The following SETBP1 variants were observed in gnomAD, a reference collection of about 807,000 sequenced individuals.
SETBP1 encodes SET binding protein 1.
In SETBP1, 9 loss-of-function variants were observed where a neutral mutation model predicts 101.0. The observed-to-expected ratio is 0.09, with a 90% CI of 0.05 to 0.16. The LOEUF (loss-of-function observed/expected upper bound fraction) is 0.16, where lower values mean the gene tolerates loss of function less well. SETBP1 is among the 10% of genes least tolerant of loss of function. The pLI, the probability that SETBP1 is intolerant of heterozygous loss-of-function variation, is 1.00. For synonymous variants in SETBP1, 818 were observed against 788.5 expected (o/e 1.04, Z -0.63); for missense variants, 1,858 against 2,033.8 (o/e 0.91, Z 1.66).
chr18:44,835,784 C>T (rs2072483469), intron 2 of SETBP1, among the ~76,000 whole-genome samples: 1 of 152,226 alleles, frequency 6.6e-6, no homozygotes, highest in South Asian at 2.1e-4. Flanking sequence ...GTCCACTTGG[C>T]AACCTGTTCT....
At position 44,952,848 on chromosome 18, in the gene SETBP1, C is replaced by T; in HGVS notation, c.3508C>T (p.Leu1170=). 1 of 1,614,152 alleles carries T rather than the reference C, an allele frequency of 6.2e-7. No homozygotes were observed. The highest frequency in any genetic ancestry group is 2.2e-5 in the East Asian group (1 of 44,854). ...EDRILGTHDN[L]SGLFAGKATG... ...CCGGATCCTAGGGACCCATGACAAC[C>T]TGAGTGGTCTTTTTGCAGGCAAAGC... Residue 1170 remains leucine (L), a synonymous_variant, in exon 4 of 6, where the codon CTG becomes TTG. Transcript: ENST00000649279.
intron 2 of SETBP1, among the ~76,000 whole-genome samples, chr18:44,793,173 T>C (rs2071402117): frequency 1.3e-5 from 2 of 152,246 alleles, no homozygotes; most frequent in African/African-American, 2.4e-5. Flanking sequence ...CTTTTGCAGA[T>C]GCATGTGCTG....
chr18:44,937,267 A>G (rs1462363563), intron 3 of SETBP1, among the ~76,000 whole-genome samples: 2 of 151,492 alleles, frequency 1.3e-5, no homozygotes, highest in Non-Finnish European at 2.9e-5. Context: ...CCCGGCTAAA[A>G]CGGTGAAACC....
intron 3 of SETBP1, among the ~76,000 whole-genome samples, chr18:44,907,931 T>C (rs2070213643): frequency 6.6e-6 from 1 of 152,256 alleles, no homozygotes; most frequent in Non-Finnish European, 1.5e-5. Flanking sequence ...AAAAATATAC[T>C]CATGTTTTCT....
chr18:44,734,287 A>T (rs1025742530), intron 2 of SETBP1, among the ~76,000 whole-genome samples: 1 of 152,142 alleles, frequency 6.6e-6, no homozygotes, highest in Non-Finnish European at 1.5e-5. Context: ...ATGAGCTATT[A>T]ATTAAATTCG....
chr18:45,016,567 T>G (rs901580384), intron 4 of SETBP1, among the ~76,000 whole-genome samples: 1 of 152,136 alleles, frequency 6.6e-6, no homozygotes, highest in Non-Finnish European at 1.5e-5. Context: ...AGGAATATGA[T>G]TCACACGTTT....
At chr18:44,683,524 T>C (rs2068792123) in intron 1 of SETBP1, among the ~76,000 whole-genome samples, 1 of 152,256 alleles carries the variant, frequency 6.6e-6, no homozygotes, top group Non-Finnish European at 1.5e-5. Context: ...GATGAATCGA[T>C]ACTTGTCTGG....
intron 4 of SETBP1, among the ~76,000 whole-genome samples, chr18:45,023,399 T>A (rs1228200648): frequency 6.6e-6 from 1 of 152,204 alleles, no homozygotes; most frequent in Non-Finnish European, 1.5e-5. Context: ...AACTGGATAT[T>A]CGGCTACCCA....
At chr18:45,057,531 G>A (rs988580179) in intron 5 of SETBP1, among the ~76,000 whole-genome samples, 1 of 152,096 alleles carries the variant, frequency 6.6e-6, no homozygotes, top group African/African-American at 2.4e-5. Flanking sequence ...AAAAAGATGT[G>A]GCCTTTGCCT....
intron 5 of SETBP1, among the ~76,000 whole-genome samples, chr18:45,048,086 A>G (rs2073647853): frequency 6.6e-6 from 1 of 152,236 alleles, no homozygotes; most frequent in Non-Finnish European, 1.5e-5. Flanking sequence ...CTGGGAACTC[A>G]GAAACTTGGA....
intron 4 of SETBP1, among the ~76,000 whole-genome samples, chr18:45,013,444 G>GT (rs1271940540): frequency 2.9e-5 from 4 of 140,248 alleles, no homozygotes; most frequent in East Asian, 3.9e-4. Flanking sequence ...CTTTTTTTTT[G>GT]TTTTTTGTTT....
At chr18:44,829,255 G>T (rs763697866) in intron 2 of SETBP1, among the ~76,000 whole-genome samples, 4 of 152,136 alleles carry the variant, frequency 2.6e-5, no homozygotes, top group Non-Finnish European at 5.9e-5. Context: ...GTACCTTCTT[G>T]TTTCTCAAGA....
rs145012547 is a variant in SETBP1 at position 44,901,325 on chromosome 18, A to G, written c.540+32042A>G. Reference sequence around the variant, plus strand: ...CCTTTGTTCAGGCAGGAGCAATGGCATTGAAAAGTTGAAAGAAAAATAAAG... The same window carrying G: ...CCTTTGTTCAGGCAGGAGCAATGGCGTTGAAAAGTTGAAAGAAAAATAAAG... On this transcript the variant is annotated intron_variant, in intron 3 of 5. Coordinates refer to ENST00000649279, the MANE Select transcript of SETBP1 (RefSeq NM_015559.3). Among the ~76,000 whole-genome samples, 813 of 152,290 alleles carry G rather than the reference A, an allele frequency of 5.3e-3. 4 individuals carry two copies. Among genetic ancestry groups the G allele is most frequent in the Middle Eastern group, 0.02 (6 of 294 alleles).
intron 3 of SETBP1, among the ~76,000 whole-genome samples, chr18:44,893,621 A>G (rs555639839): frequency 4.2e-4 from 64 of 152,250 alleles, no homozygotes; most frequent in African/African-American, 1.4e-3. Context: ...TGAACTTTAT[A>G]TAAGCTGTTT....
At chr18:44,687,905 C>T (rs1274508523) in intron 1 of SETBP1, among the ~76,000 whole-genome samples, 2 of 152,102 alleles carry the variant, frequency 1.3e-5, no homozygotes, top group African/African-American at 4.8e-5. Flanking sequence ...CACATTGCAG[C>T]CTGTGTTCAA....
chr18:45,063,145 A>G lies in SETBP1; in HGVS notation c.4238A>G (p.Lys1413Arg). Residue 1413 changes from lysine to arginine, a missense_variant, in exon 6 of 6, where the codon AAG (lysine) becomes AGG (arginine). By Grantham distance (26) the Lys-to-Arg change is conservative. Transcript: ENST00000649279. Reference sequence around the variant, plus strand: ...GAAGCCATCCAGTGCGAAGTGCGGAAGATGTGCAACTACACCAAGATCCTG... The same window carrying G: ...GAAGCCATCCAGTGCGAAGTGCGGAGGATGTGCAACTACACCAAGATCCTG... Reference protein sequence around the residue: ...EIEAIQCEVRKMCNYTKILST... With the variant: ...EIEAIQCEVRRMCNYTKILST... The G allele has an allele frequency of 6.2e-7, 1 of 1,614,072 alleles. No homozygotes were observed. The highest frequency in any genetic ancestry group is 1.1e-5 in the South Asian group (1 of 91,054).
chr18:44,976,049 G>A (rs1198248226), intron 4 of SETBP1, among the ~76,000 whole-genome samples: 1 of 147,036 alleles, frequency 6.8e-6, no homozygotes, highest in African/African-American at 2.5e-5. Context: ...TCAGTGTTTA[G>A]TAAGTCGAGC....
intron 4 of SETBP1, among the ~76,000 whole-genome samples, chr18:44,994,297 T>C (rs569957783): frequency 4.3e-4 from 65 of 152,300 alleles, no homozygotes; most frequent in African/African-American, 7.9e-4. Context: ...GGATTACTCT[T>C]GTAATCCAGG....
At chr18:44,696,622 A>G (rs2069022145) in intron 1 of SETBP1, among the ~76,000 whole-genome samples, 1 of 152,194 alleles carries the variant, frequency 6.6e-6, no homozygotes, top group African/African-American at 2.4e-5. Flanking sequence ...TCAGAGAAAT[A>G]ATTCTTTAGG....
Sources: allele counts gnomAD v4.1 joint callset (sites outside exome capture counted in the v4.1 genomes callset), GRCh38; gene constraint gnomAD v4.1.1; transcripts MANE v1.5; gene names NCBI Gene and HGNC (gene_info 2026-07-23, HGNC 2026-07-21).